KCNQ1: variants seen among roughly 807,000 people sequenced by gnomAD.
KCNQ1 encodes potassium voltage-gated channel subfamily Q member 1, also known as potassium voltage-gated channel subfamily KQT member 1.
KCNQ1 carries 49 observed loss-of-function variants against 72.4 expected under a neutral mutation model. That is an observed-to-expected ratio of 0.68 (90% CI 0.54 to 0.86). The LOEUF is 0.86. KCNQ1 is among the 40% of genes least tolerant of loss of function. The pLI is 0.00. For missense variants in KCNQ1, 790 were observed against 945.1 expected (o/e 0.84, Z 2.15); for synonymous variants, 450 against 412.6 (o/e 1.09, Z -1.10).
At chr11:2,731,758 C>T (rs1311935284) in intron 11 of KCNQ1, among the ~76,000 whole-genome samples, 1 of 152,234 alleles carries the variant, frequency 6.6e-6, no homozygotes, top group Non-Finnish European at 1.5e-5. Context: ...CTCTGCCAGC[C>T]ACCCAGGAGG....
intron 1 of KCNQ1, among the ~76,000 whole-genome samples, chr11:2,513,191 C>T (rs1847237852): frequency 6.6e-6 from 1 of 152,156 alleles, no homozygotes; most frequent in African/African-American, 2.4e-5. Context: ...CCGACCAGGA[C>T]CTTTGTACTC....
At chr11:2,555,067 C>A (rs930398195) in intron 2 of KCNQ1, among the ~76,000 whole-genome samples, 3 of 152,194 alleles carry the variant, frequency 2.0e-5, no homozygotes, top group Admixed American at 2.0e-4. Flanking sequence ...CCTGTCCCAA[C>A]ACTGCGCGGG....
chr11:2,658,849 T>C lies in KCNQ1; in HGVS notation c.1394-3112T>C. On this transcript the variant is annotated intron_variant, in intron 10 of 15. Transcript: ENST00000155840. The surrounding 1 kb of genome is among the most constrained non-coding windows in gnomAD (Gnocchi z 4.9). Reference sequence around the variant, plus strand: ...TTTCTCTGACAGCTAGAAACCTGGCTCCCATTACCTACAGTTCATTTACTT... The same window carrying C: ...TTTCTCTGACAGCTAGAAACCTGGCCCCCATTACCTACAGTTCATTTACTT... 2 of 398,562 alleles carry C rather than the reference T, an allele frequency of 5.0e-6. No homozygotes were observed. The highest frequency in any genetic ancestry group is 8.8e-6 in the Non-Finnish European group (2 of 226,054). 24.7% of individuals were successfully genotyped at this position (398,562 alleles called of 1,614,324 possible).
chr11:2,609,005 A>G (rs2133787932), intron 10 of KCNQ1: 1 of 397,716 alleles, frequency 2.5e-6, no homozygotes, highest in Admixed American at 4.4e-5. Flanking sequence ...TGTTGACTTT[A>G]TTATTTTTAT....
chr11:2,530,595 G>A (rs1174232777), intron 2 of KCNQ1, among the ~76,000 whole-genome samples: 1 of 152,232 alleles, frequency 6.6e-6, no homozygotes. Context: ...GTTTATGGGT[G>A]AGCTGTGTGC....
chr11:2,465,175 T>C (rs1223072791), intron 1 of KCNQ1, among the ~76,000 whole-genome samples: 1 of 152,170 alleles, frequency 6.6e-6, no homozygotes, highest in Non-Finnish European at 1.5e-5. Context: ...TTTATTTTTT[T>C]TTGAAGCAGG....
intron 10 of KCNQ1, chr11:2,614,040 T>C (rs1849021413): frequency 2.5e-6 from 1 of 398,652 alleles, no homozygotes; most frequent in African/African-American, 2.1e-5. Context: ...AGTGTGACTG[T>C]GCTATAACCT....
intron 10 of KCNQ1, among the ~76,000 whole-genome samples, chr11:2,607,158 C>A (rs894018132): frequency 6.6e-6 from 1 of 152,050 alleles, no homozygotes; most frequent in Non-Finnish European, 1.5e-5. Flanking sequence ...CCGCCTCGGC[C>A]TCCCAAAGTG....
At chr11:2,700,224 G>T (rs868607574) in intron 11 of KCNQ1, among the ~76,000 whole-genome samples, 9 of 152,040 alleles carry the variant, frequency 5.9e-5, no homozygotes, top group Admixed American at 2.0e-4. Flanking sequence ...TGAGGCACTG[G>T]CTGGGTGTGA....
At chr11:2,445,585 C>A in intron 1 of KCNQ1, 101 bp downstream of exon 1, 1 of 1,366,056 alleles carries the variant, frequency 7.3e-7, no homozygotes, top group Non-Finnish European at 1.0e-6. Flanking sequence ...GAGCTGCGAC[C>A]CCGGAGCAGA....
At chr11:2,628,735 C>T (rs1849302344) in intron 10 of KCNQ1, 2 of 398,174 alleles carry the variant, frequency 5.0e-6, no homozygotes, top group Admixed American at 4.4e-5. Flanking sequence ...GAGCTTTTCC[C>T]TGTTTTATAG....
intron 1 of KCNQ1, among the ~76,000 whole-genome samples, chr11:2,512,279 G>C (rs1168776613): frequency 1.3e-5 from 2 of 152,192 alleles, no homozygotes; most frequent in Non-Finnish European, 2.9e-5. Context: ...GGCGGGAGAG[G>C]GCCGCAGGCT....
intron 15 of KCNQ1, among the ~76,000 whole-genome samples, chr11:2,841,400 T>C (rs1487457590): frequency 1.3e-5 from 2 of 151,978 alleles, no homozygotes; most frequent in African/African-American, 4.8e-5. Flanking sequence ...GGGAACAGGT[T>C]GGGGGCATAG....
At chr11:2,791,213 A>C (rs1437868988) in intron 15 of KCNQ1, among the ~76,000 whole-genome samples, 1 of 152,214 alleles carries the variant, frequency 6.6e-6, no homozygotes, top group African/African-American at 2.4e-5. Flanking sequence ...GTGCCCGAGC[A>C]GGACGGTGGC....
rs141799528 is a variant in KCNQ1 at position 2,647,165 on chromosome 11, C to CT, written c.1394-14786dup. The CT allele has an allele frequency of 9.2e-3, 3,486 of 379,018 alleles. 45 individuals are homozygous for CT. Among genetic ancestry groups the CT allele is most frequent in the East Asian group, 0.082 (2,227 of 27,066 alleles). The allele number at this position is 379,018 out of a possible 1,614,324, so 23.5% of individuals were successfully genotyped here. A position where few individuals can be genotyped will look rare whatever the true frequency, so the allele number is the denominator to read the frequency against. Reference sequence around the variant, plus strand: ...TTCCTTCTAGACATTATGTGATGAGCTTTTTTTTTTATCATGAAGAGATTT... The same window carrying CT: ...TTCCTTCTAGACATTATGTGATGAGCTTTTTTTTTTTATCATGAAGAGATTT... On this transcript the variant is annotated intron_variant, in intron 10 of 15. Transcript: ENST00000155840. This position sits in a 1 kb window ranked among gnomAD's most constrained non-coding sequence, Gnocchi z 4.0.
chr11:2,640,730 A>G (rs1365835555), intron 10 of KCNQ1: 1 of 398,500 alleles, frequency 2.5e-6, no homozygotes, highest in Non-Finnish European at 4.4e-6. Context: ...TATACATTAT[A>G]TTGTTAAATA....
At chr11:2,525,160 C>A (rs1231121567) in intron 1 of KCNQ1, among the ~76,000 whole-genome samples, 1 of 152,208 alleles carries the variant, frequency 6.6e-6, no homozygotes, top group Non-Finnish European at 1.5e-5. Flanking sequence ...CACAAAGACT[C>A]TTCTAAGAAC....
rs116749232 is a variant in KCNQ1 at position 2,844,372 on chromosome 11, G to A, written c.1795-3395G>A. On this transcript the variant is annotated intron_variant, in intron 15 of 15. Transcript: ENST00000155840. ...CTCTGTCACCAGCAGCTGGGATGAT[G>A]AGAGCATGTCTCTGGGGCCAGAGAC... Among the ~76,000 whole-genome samples the A allele has an allele frequency of 2.9e-3, 438 of 152,332 alleles. 3 individuals carry two copies. Among genetic ancestry groups the A allele is most frequent in the African/African-American group, 0.01 (420 of 41,582 alleles).
intron 10 of KCNQ1, chr11:2,641,730 T>A: frequency 5.0e-6 from 2 of 398,466 alleles, no homozygotes; most frequent in Non-Finnish European, 8.9e-6. Context: ...CTAAAGTGTT[T>A]CCCCAATGTC....
Sources: gnomAD v4.1 joint callset for allele counts (sites outside exome capture counted in the v4.1 genomes callset) on GRCh38, gnomAD v4.1.1 for gene constraint, Gnocchi (gnomAD v3.1) non-coding constraint, MANE v1.5 for transcripts, NCBI Gene and HGNC (gene_info 2026-07-23, HGNC 2026-07-21) for gene names.